The following GRIA1 variants were observed in gnomAD, a reference collection of about 807,000 sequenced individuals.
GRIA1 encodes glutamate receptor 1.
In GRIA1, 31 loss-of-function variants were observed where a neutral mutation model predicts 99.2. The ratio of observed to expected loss-of-function variants is 0.31; its 90% CI spans 0.23 to 0.42. GRIA1 has a LOEUF of 0.42. Ranked by LOEUF, GRIA1 falls within the 10% of genes least tolerant of loss-of-function variation. GRIA1 has a pLI of 1.00. For missense variants in GRIA1, 782 were observed against 1,157.5 expected (o/e 0.68, Z 4.71); for synonymous variants, 438 against 432.4 (o/e 1.01, Z -0.16).
intron 11 of GRIA1, among the ~76,000 whole-genome samples, chr5:153,737,895 A>ATT (rs1761498305): frequency 6.6e-6 from 1 of 152,062 alleles, no homozygotes; most frequent in Non-Finnish European, 1.5e-5. Flanking sequence ...TATCTCAGGC[A>ATT]TTTTTCACTC....
chr5:153,679,209 G>T (rs1756801727), intron 7 of GRIA1, among the ~76,000 whole-genome samples: 1 of 152,178 alleles, frequency 6.6e-6, no homozygotes. Context: ...ATAAAAGAAA[G>T]CAAGGCCTGC....
chr5:153,529,248 A>G (rs1757883138), intron 2 of GRIA1, among the ~76,000 whole-genome samples: 2 of 152,182 alleles, frequency 1.3e-5, no homozygotes, highest in African/African-American at 2.4e-5. Context: ...TCTTTCCCCA[A>G]TGCCAGTTCT....
chr5:153,764,437 C>A lies in GRIA1; in HGVS notation c.1827C>A (p.Ser609=), dbSNP rs746372993. ...MQQGCDISPR[S]LSGRIVGGVW... ...GCCTCTTCCCTTTGGCCTGCAGGTC[C>A]CTGTCTGGTCGCATCGTTGGTGGCG... Residue 609 remains serine, a synonymous_variant, in exon 12 of 16, where the codon TCC becomes TCA. Coordinates refer to ENST00000285900, the MANE Select transcript of GRIA1 (RefSeq NM_000827.4). 7 of 1,613,252 alleles carry A rather than the reference C, an allele frequency of 4.3e-6. No individual in the cohort carries two copies. The Middle Eastern group carries it at 6.6e-4, about 153-fold the overall frequency.
chr5:153,496,714 G>T (rs181571838), intron 2 of GRIA1, among the ~76,000 whole-genome samples: 1 of 152,288 alleles, frequency 6.6e-6, no homozygotes, highest in African/African-American at 2.4e-5. Context: ...GTCAGTGGGA[G>T]CAAAGCAGTT....
chr5:153,722,244 A>G (rs1297461856), intron 11 of GRIA1, among the ~76,000 whole-genome samples: 1 of 150,068 alleles, frequency 6.7e-6, no homozygotes, highest in African/African-American at 2.4e-5. Context: ...TATATTGTTA[A>G]TATTGTCTCT....
At chr5:153,679,868 T>A (rs897844656) in intron 7 of GRIA1, among the ~76,000 whole-genome samples, 2 of 152,194 alleles carry the variant, frequency 1.3e-5, no homozygotes, top group African/African-American at 4.8e-5. Context: ...AGGGCAAGCA[T>A]GCTAGGGAGT....
Position 153,560,613 on chromosome 5 carries a change from C to T in GRIA1, c.220+66548C>T, listed in dbSNP as rs549413522. Among the ~76,000 whole-genome samples, 52 of 152,266 alleles carry T rather than the reference C, an allele frequency of 3.4e-4. No individual in the cohort carries two copies. In the South Asian group the frequency reaches 0.01, roughly 30 times the overall value. On this transcript the variant is annotated intron_variant, in intron 2 of 15. Coordinates refer to ENST00000285900, the MANE Select transcript of GRIA1 (RefSeq NM_000827.4). The stretch of plus-strand genomic sequence containing the variant: ...CTTGCCTGCCACCATGTAAGAAGTG[C>T]CTTTGCTCTTCTACCATGATTGTGA...
intron 2 of GRIA1, among the ~76,000 whole-genome samples, chr5:153,618,844 T>C (rs1451603254): frequency 6.6e-6 from 1 of 152,210 alleles, no homozygotes; most frequent in East Asian, 1.9e-4. Context: ...AGAAGTTCTG[T>C]ATATTATGCT....
chr5:153,640,619 C>G (rs1479542507), intron 2 of GRIA1, among the ~76,000 whole-genome samples: 2 of 152,212 alleles, frequency 1.3e-5, no homozygotes, highest in Non-Finnish European at 2.9e-5. Context: ...CCAGTTAACA[C>G]TGACTATAAT....
chr5:153,656,997 A>G (rs1325000896), intron 5 of GRIA1, among the ~76,000 whole-genome samples: 1 of 152,152 alleles, frequency 6.6e-6, no homozygotes, highest in Admixed American at 6.6e-5. Context: ...TTAGCATAAC[A>G]TTTTCAAGTT....
intron 2 of GRIA1, among the ~76,000 whole-genome samples, chr5:153,568,496 G>T (rs979099520): frequency 3.3e-5 from 5 of 151,780 alleles, no homozygotes; most frequent in Non-Finnish European, 7.4e-5. Context: ...GATTCAAATG[G>T]TTTTTTTTAA....
chr5:153,542,924 T>C (rs1221036659), intron 2 of GRIA1, among the ~76,000 whole-genome samples: 1 of 152,236 alleles, frequency 6.6e-6, no homozygotes, highest in Non-Finnish European at 1.5e-5. Context: ...AAGAATGTTA[T>C]AATCAGACAG....
intron 13 of GRIA1, among the ~76,000 whole-genome samples, chr5:153,780,883 TA>T (rs1764584819): frequency 6.6e-6 from 1 of 152,106 alleles, no homozygotes; most frequent in Non-Finnish European, 1.5e-5. Flanking sequence ...AACATTGCAA[TA>T]TGGCAGAAAT....
chr5:153,545,534 C>T (rs532770222), intron 2 of GRIA1, among the ~76,000 whole-genome samples: 14 of 152,260 alleles, frequency 9.2e-5, no homozygotes, highest in African/African-American at 3.4e-4. Context: ...AAAGAACATA[C>T]TGGAGGGAGA....
intron 11 of GRIA1, among the ~76,000 whole-genome samples, chr5:153,733,711 GTATT>G (rs1267986516): frequency 6.6e-6 from 1 of 152,060 alleles, no homozygotes; most frequent in Non-Finnish European, 1.5e-5. Context: ...AGAGGTCACT[GTATT>G]TATATCAGAA....
At chr5:153,723,620 C>T (rs1374634042) in intron 11 of GRIA1, among the ~76,000 whole-genome samples, 3 of 152,206 alleles carry the variant, frequency 2.0e-5, no homozygotes, top group African/African-American at 7.2e-5. Context: ...GGGTCCTACC[C>T]CCACGGAGTC....
At chr5:153,723,008 C>G (rs1760192041) in intron 11 of GRIA1, among the ~76,000 whole-genome samples, 1 of 152,108 alleles carries the variant, frequency 6.6e-6, no homozygotes, top group Non-Finnish European at 1.5e-5. Context: ...CCTTTAGCAT[C>G]CAAACTTGGA....
At chr5:153,796,734 A>G (rs1351781800) in intron 14 of GRIA1, among the ~76,000 whole-genome samples, 3 of 152,120 alleles carry the variant, frequency 2.0e-5, no homozygotes, top group Admixed American at 1.3e-4. Flanking sequence ...CCAGTGACTC[A>G]ATGATAAAGC....
Position 153,677,122 on chromosome 5 carries a change from C to A in GRIA1, c.990C>A (p.Pro330=). The A allele has an allele frequency of 6.4e-7, 1 of 1,565,512 alleles. No homozygotes were observed. The highest frequency in any genetic ancestry group is 8.7e-7 in the Non-Finnish European group (1 of 1,150,422). ...AGDCLANPAV[P]WGQGIDIQRA... ...ATTGTCTGGCTAACCCAGCTGTTCCCTGGGGCCAAGGGATCGACATCCAGA... is the reference window on the plus strand; with the variant it reads ...ATTGTCTGGCTAACCCAGCTGTTCCATGGGGCCAAGGGATCGACATCCAGA... The change falls in exon 7 of 16, where the codon CCC becomes CCA. Residue 330 remains proline, a synonymous_variant. Transcript: ENST00000285900.
Sources: gnomAD v4.1 joint callset for allele counts (sites outside exome capture counted in the v4.1 genomes callset) on GRCh38, gnomAD v4.1.1 for gene constraint, MANE v1.5 for transcripts, NCBI Gene and HGNC (gene_info 2026-07-23, HGNC 2026-07-21) for gene names.